UMODL1: variants seen among roughly 807,000 people sequenced by gnomAD.
UMODL1 encodes uromodulin like 1, also known as uromodulin-like 1.
Under a neutral mutation model 136.3 loss-of-function variants are expected in UMODL1, and 128 were observed. The observed-to-expected ratio is 0.94, with a 90% CI of 0.81 to 1.09. UMODL1 has a LOEUF of 1.09. Among genes scored for constraint, UMODL1 ranks in the 50% least tolerant of loss-of-function variants. UMODL1 has a pLI of 0.00. For missense variants in UMODL1, 1,766 were observed against 1,725.6 expected, an observed-to-expected ratio of 1.02 and a Z score of -0.41; for synonymous variants, 721 against 720.0, an observed-to-expected ratio of 1.00 and a Z score of -0.02.
At chr21:42,063,702 A>G (rs1405619145) in intron 1 of UMODL1, among the ~76,000 whole-genome samples, 2 of 152,118 alleles carry the variant, frequency 1.3e-5, no homozygotes, top group Non-Finnish European at 2.9e-5. Flanking sequence ...TATCGTGAAC[A>G]TTGCTCCCAA....
chr21:42,140,091 CT>C (rs1363092544), intron 22 of UMODL1, among the ~76,000 whole-genome samples: 3 of 152,302 alleles, frequency 2.0e-5, no homozygotes, highest in African/African-American at 7.2e-5. Context: ...GTCTACTACA[CT>C]TTGCTGAGTT....
chr21:42,115,578 T>C (rs570626770), intron 13 of UMODL1, among the ~76,000 whole-genome samples: 1 of 152,252 alleles, frequency 6.6e-6, no homozygotes, highest in Non-Finnish European at 1.5e-5. Context: ...AACCCCAGCA[T>C]GGGGGAACGG....
At position 42,085,185 on chromosome 21, in the gene UMODL1, C is replaced by A; in HGVS notation, c.482-106C>A. On this transcript the variant is annotated intron_variant, in intron 3 of 22. Transcript: ENST00000408910. This position sits in a 1 kb window ranked among gnomAD's most constrained non-coding sequence, Gnocchi z 4.5. Reference sequence around the variant, plus strand: ...CAGGGAGGTAAATGCAGAGCAGGGCCTCTCATGGCCTCTGGTTCCCTCTCC... The same window carrying A: ...CAGGGAGGTAAATGCAGAGCAGGGCATCTCATGGCCTCTGGTTCCCTCTCC... 4.2e-6 allele frequency: 6 copies of A among 1,425,090 alleles called. No individual in the cohort carries two copies. Among genetic ancestry groups the A allele is most frequent in the Non-Finnish European group, 4.8e-6 (5 of 1,050,196 alleles). 88.3% of individuals were successfully genotyped at this position (1,425,090 alleles called of 1,614,324 possible). A position where few individuals can be genotyped will look rare whatever the true frequency, so the allele number is the denominator to read the frequency against.
intron 2 of UMODL1, among the ~76,000 whole-genome samples, chr21:42,081,722 G>A (rs968569591): frequency 6.6e-6 from 1 of 152,164 alleles, no homozygotes. Flanking sequence ...TTCCCCTAAC[G>A]TTAGCATCTT....
At chr21:42,139,511 G>A (rs372686502) in intron 22 of UMODL1, among the ~76,000 whole-genome samples, 5 of 152,234 alleles carry the variant, frequency 3.3e-5, no homozygotes, top group African/African-American at 1.2e-4. Context: ...GGATCACATT[G>A]AACATGAAAT....
At chr21:42,084,043 C>A (rs753416994) in intron 2 of UMODL1, 41 bp from the exon 3 acceptor site, 10 of 1,600,184 alleles carry the variant, frequency 6.2e-6, no homozygotes, top group Non-Finnish European at 8.5e-6. Context: ...TCAGGTTTGT[C>A]TTTTATCGCC....
chr21:42,116,108 G>A, intron 14 of UMODL1, 123 bp downstream of exon 14: 1 of 638,538 alleles, frequency 1.6e-6, no homozygotes, highest in Non-Finnish European at 2.6e-6. Flanking sequence ...GCAGAGGCGG[G>A]CAGATTGCCT....
chr21:42,084,117 C>A lies in UMODL1; in HGVS notation c.353C>A (p.Pro118His). 6.2e-7 allele frequency: 1 copy of A among 1,614,146 alleles called. No homozygotes were observed. The highest frequency in any genetic ancestry group is 8.5e-7 in the Non-Finnish European group (1 of 1,180,000). ...CAGTCCGGGCAGTTCACGTCAAGAC[C>A]TGGGGCCTGCCCCGCAGAGGGGCCT... Reference protein sequence around the residue: ...LNQSGQFTSRPGACPAEGPEP... With the variant: ...LNQSGQFTSRHGACPAEGPEP... The change falls in exon 3 of 23, where the codon CCT becomes CAT. Residue 118 changes from proline (P) to histidine (H), a missense_variant. By Grantham distance (77) the Pro-to-His change is moderately conservative. Coordinates refer to ENST00000408910, the MANE Select transcript of UMODL1 (RefSeq NM_001004416.3).
At chr21:42,116,172 C>CAAAAAAAAAAAAA (rs56162491) in intron 14 of UMODL1, among the ~76,000 whole-genome samples, 187 bp downstream of exon 14, 119 of 74,992 alleles carry the variant, frequency 1.6e-3, no homozygotes, top group African/African-American at 1.9e-3. Flanking sequence ...CCATCTCCAC[C>CAAAAAAAAAAAAA]AAAAAAAAAA....
At chr21:42,128,905 T>C (rs1028160387) in intron 20 of UMODL1, among the ~76,000 whole-genome samples, 3 of 152,172 alleles carry the variant, frequency 2.0e-5, no homozygotes, top group African/African-American at 7.2e-5. Flanking sequence ...GCTTAAACAG[T>C]GGAAACTTAT....
upstream of UMODL1, chr21:42,071,264 C>T: frequency 1.4e-6 from 2 of 1,459,282 alleles, no homozygotes; most frequent in South Asian, 3.0e-5. Flanking sequence ...GTAGCAGAGA[C>T]CCAGGCTTCT....
Position 42,119,084 on chromosome 21 carries a change from C to G in UMODL1, c.2476-27C>G, listed in dbSNP as rs201013128. ...ATCTGTTTCCTCTCAGCGTGGGGACCTCCTCACATGGCCTCTTTCCCCGCA... is the reference window on the plus strand; with the variant it reads ...ATCTGTTTCCTCTCAGCGTGGGGACGTCCTCACATGGCCTCTTTCCCCGCA... On this transcript the variant is annotated intron_variant, in intron 14 of 22. Coordinates refer to ENST00000408910, the MANE Select transcript of UMODL1 (RefSeq NM_001004416.3). 8.7e-5 allele frequency: 140 copies of G among 1,604,822 alleles called. No individual in the cohort carries two copies. In the East Asian group the frequency reaches 3.0e-3, roughly 34 times the overall value.
At position 42,099,323 on chromosome 21, in the gene UMODL1, C is replaced by T; in HGVS notation, c.1186+143C>T. 1 of 1,262,036 alleles carries T rather than the reference C, an allele frequency of 7.9e-7. No homozygotes were observed. The allele number at this position is 1,262,036 out of a possible 1,614,324, so 78.2% of individuals were successfully genotyped here. On this transcript the variant is annotated intron_variant, in intron 7 of 22. Coordinates refer to ENST00000408910, the MANE Select transcript of UMODL1 (RefSeq NM_001004416.3). The surrounding 1 kb of genome is among the most constrained non-coding windows in gnomAD (Gnocchi z 4.1). ...CGCCCTGCACTTCCTCCCTCCCCTC[C>T]CAGTCATCCCACTGCCTGCCCGGCA...
intron 2 of UMODL1, among the ~76,000 whole-genome samples, chr21:42,076,928 G>T (rs1394145035): frequency 6.6e-6 from 1 of 151,974 alleles, no homozygotes; most frequent in African/African-American, 2.4e-5. Flanking sequence ...CCAGGCCAGG[G>T]TCTGAGCCGT....
chr21:42,138,099 A>G (rs1311778428), intron 22 of UMODL1, among the ~76,000 whole-genome samples: 1 of 152,052 alleles, frequency 6.6e-6, no homozygotes, highest in East Asian at 1.9e-4. Flanking sequence ...CACAAATCCC[A>G]TCTCTGCCAC....
intron 9 of UMODL1, among the ~76,000 whole-genome samples, chr21:42,105,851 A>T (rs1003838319): frequency 6.6e-6 from 1 of 152,104 alleles, no homozygotes; most frequent in African/African-American, 2.4e-5. Context: ...TGTGTTTGTG[A>T]TGGCAGCCAC....
intron 22 of UMODL1, among the ~76,000 whole-genome samples, chr21:42,141,758 C>T (rs924422025): frequency 2.6e-5 from 4 of 151,672 alleles, no homozygotes; most frequent in African/African-American, 7.3e-5. Context: ...CAGAGATGTT[C>T]CCAGAGTCCT....
At position 42,111,600 on chromosome 21, in the gene UMODL1, G is replaced by C; in HGVS notation, c.1994G>C (p.Arg665Pro). The C allele has an allele frequency of 4.3e-6, 7 of 1,614,100 alleles. No homozygotes were observed. Among genetic ancestry groups the C allele is most frequent in the Non-Finnish European group, 5.9e-6 (7 of 1,179,994 alleles). ...HFLWHATRST[R>P]ETLLNPTWLR... ...CTGTGGCATGCCACCCGTTCCACCC[G>C]GGAAACACTTCTGAATCCCACGTGG... Residue 665 changes from arginine to proline, a missense_variant, in exon 12 of 23, where the codon CGG becomes CCG. Coordinates refer to ENST00000408910, the MANE Select transcript of UMODL1 (RefSeq NM_001004416.3).
rs768208257 is a variant in UMODL1, at chr21:42,111,308, G to A, written c.1899+187G>A. On this transcript the variant is annotated intron_variant, in intron 11 of 22. Coordinates refer to ENST00000408910, the MANE Select transcript of UMODL1 (RefSeq NM_001004416.3). ...CCCCAGCCAGCGGAGCACCAGCCAC[G>A]CGAACTCCAGCCAGGGGAGCCCCAG... is the stretch of plus-strand genomic sequence containing the variant. 33 of 1,408,248 alleles carry A rather than the reference G, an allele frequency of 2.3e-5. 1 individual carries two copies. The highest frequency in any genetic ancestry group is 2.1e-4 in the East Asian group (7 of 33,560). 87.2% of individuals were successfully genotyped at this position (1,408,248 alleles called of 1,614,324 possible).
Sources: gnomAD v4.1 joint callset for allele counts (sites outside exome capture counted in the v4.1 genomes callset) on GRCh38, gnomAD v4.1.1 for gene constraint, Gnocchi (gnomAD v3.1) non-coding constraint, MANE v1.5 for transcripts, NCBI Gene and HGNC (gene_info 2026-07-23, HGNC 2026-07-21) for gene names.